SLC6A6: variants seen among roughly 807,000 people sequenced by gnomAD.
SLC6A6 encodes the protein solute carrier family 6 member 6.
In SLC6A6, 16 loss-of-function variants were observed where a neutral mutation model predicts 68.8. The ratio of observed to expected loss-of-function variants is 0.23; its 90% CI spans 0.16 to 0.35. The LOEUF (loss-of-function observed/expected upper bound fraction) is 0.35. Ranked by LOEUF, SLC6A6 falls within the 10% of genes least tolerant of loss-of-function variation. The pLI is 1.00. For missense variants in SLC6A6, 474 were observed against 802.8 expected (o/e 0.59, Z 4.95); for synonymous variants, 312 against 315.4 (o/e 0.99, Z 0.12).
At chr3:14,420,944 G>T (rs1699471591) in intron 2 of SLC6A6, among the ~76,000 whole-genome samples, 1 of 152,208 alleles carries the variant, frequency 6.6e-6, no homozygotes, top group Non-Finnish European at 1.5e-5. Context: ...CTTCTTTTGA[G>T]TGGGCGTCTT....
chr3:14,461,716 C>T (rs1415369072), intron 6 of SLC6A6, among the ~76,000 whole-genome samples: 1 of 152,234 alleles, frequency 6.6e-6, no homozygotes, highest in Non-Finnish European at 1.5e-5. Context: ...GAACAAGGCC[C>T]TTTCACTTTC....
In SLC6A6 at chr3:14,439,918, G is replaced by A. The variant is rs573508759; in HGVS notation, c.-11-3706G>A. ...AGGGTTTGGATACATCACGGTCACT[G>A]TTACTCCCAGCGGAGTGACCTCAGG... On this transcript the variant is annotated intron_variant, in intron 2 of 14. Transcript: ENST00000622186. Among the ~76,000 whole-genome samples, 12 of 152,316 alleles carry A rather than the reference G, an allele frequency of 7.9e-5. No individual in the cohort carries two copies. In the South Asian group the frequency reaches 2.5e-3, roughly 32 times the overall value.
At chr3:14,438,916 C>T (rs528753370) in intron 2 of SLC6A6, among the ~76,000 whole-genome samples, 3 of 152,310 alleles carry the variant, frequency 2.0e-5, no homozygotes, top group South Asian at 2.1e-4. Context: ...AGAGAACTCT[C>T]GAGCCTCTGG....
At chr3:14,484,689 G>A (rs1321219820) in intron 14 of SLC6A6, among the ~76,000 whole-genome samples, 178 bp from the exon 15 acceptor site, 1 of 152,244 alleles carries the variant, frequency 6.6e-6, no homozygotes, top group African/African-American at 2.4e-5. Context: ...CACCTTAGGA[G>A]CGCCTTAGTT....
Position 14,402,791 on chromosome 3 carries a change from G to A in SLC6A6, c.-110G>A, listed in dbSNP as rs1304474689. 7.5e-6 allele frequency: 3 copies of A among 397,912 alleles called. No homozygotes were observed. The allele number at this position is 397,912 out of a possible 1,614,324, so 24.6% of individuals were successfully genotyped here. ...GAGAGCGAGCGGGCAGGCAGCCCCC[G>A]GCCGGCGGAACCCGGCACAGCCGAG... On this transcript the variant is annotated 5_prime_UTR_variant, in exon 1 of 15. Coordinates refer to ENST00000622186, the MANE Select transcript of SLC6A6 (RefSeq NM_003043.6). This position sits in a 1 kb window ranked among gnomAD's most constrained non-coding sequence, Gnocchi z 4.8.
intron 6 of SLC6A6, among the ~76,000 whole-genome samples, chr3:14,465,049 G>A (rs1700584441): frequency 6.6e-6 from 1 of 152,166 alleles, no homozygotes; most frequent in Non-Finnish European, 1.5e-5. Context: ...CCGTCCTGGG[G>A]GGCATGGTGA....
intron 5 of SLC6A6, among the ~76,000 whole-genome samples, chr3:14,455,705 T>G (rs1179162141): frequency 6.6e-6 from 1 of 152,206 alleles, no homozygotes; most frequent in South Asian, 2.1e-4. Flanking sequence ...AAGGAAGTCT[T>G]GGGCCACTGC....
At chr3:14,478,917 A>G (rs112241655) in intron 12 of SLC6A6, 168 bp from the exon 13 acceptor site, 15 of 609,962 alleles carry the variant, frequency 2.5e-5, no homozygotes, top group African/African-American at 1.8e-4. Context: ...TACAAGATGC[A>G]GAGTTATATT....
intron 10 of SLC6A6, among the ~76,000 whole-genome samples, chr3:14,473,746 A>G (rs1700807492): frequency 6.6e-6 from 1 of 152,212 alleles, no homozygotes; most frequent in Non-Finnish European, 1.5e-5. Context: ...GACTCCATTA[A>G]TCATTCCTAG....
chr3:14,420,489 CTTTT>C (rs763732632), intron 2 of SLC6A6, among the ~76,000 whole-genome samples: 1 of 128,074 alleles, frequency 7.8e-6, no homozygotes. Flanking sequence ...AACCACTCTG[CTTTT>C]TTTTTTTTTT....
In SLC6A6 at chr3:14,402,816, G is replaced by A. The variant is rs1017834266; in HGVS notation, c.-85G>A. The A allele has an allele frequency of 2.8e-5, 11 of 397,532 alleles. No homozygotes were observed. The highest frequency in any genetic ancestry group is 4.4e-5 in the Admixed American group (1 of 22,666). The allele number at this position is 397,532 out of a possible 1,614,324, so 24.6% of individuals were successfully genotyped here. On this transcript the variant is annotated 5_prime_UTR_variant, in exon 1 of 15. Coordinates refer to ENST00000622186, the MANE Select transcript of SLC6A6 (RefSeq NM_003043.6). This position sits in a 1 kb window ranked among gnomAD's most constrained non-coding sequence, Gnocchi z 4.8. ...GGCCGGCGGAACCCGGCACAGCCGAGCAGAGCGCGGGCGGCGCCGCAGCCA... is the reference window on the plus strand; with the variant it reads ...GGCCGGCGGAACCCGGCACAGCCGAACAGAGCGCGGGCGGCGCCGCAGCCA...
At chr3:14,456,276 C>T (rs765633861) in intron 5 of SLC6A6, among the ~76,000 whole-genome samples, 8 of 152,236 alleles carry the variant, frequency 5.3e-5, no homozygotes, top group East Asian at 3.8e-4. Context: ...CCACTGATGT[C>T]GCTGTGACCA....
chr3:14,475,080 A>G, intron 10 of SLC6A6, among the ~76,000 whole-genome samples: 1 of 152,182 alleles, frequency 6.6e-6, no homozygotes, highest in East Asian at 1.9e-4. Context: ...CGCCCAGGTT[A>G]GAGTGCAGTG....
chr3:14,420,513 C>T (rs1699462734), intron 2 of SLC6A6, among the ~76,000 whole-genome samples: 1 of 121,028 alleles, frequency 8.3e-6, no homozygotes, highest in Non-Finnish European at 1.7e-5. Flanking sequence ...TTTTTTGAGA[C>T]AGAGTCTTGC....
At chr3:14,456,231 A>T (rs1446631787) in intron 5 of SLC6A6, among the ~76,000 whole-genome samples, 1 of 152,260 alleles carries the variant, frequency 6.6e-6, no homozygotes, top group Non-Finnish European at 1.5e-5. Flanking sequence ...GTCCATCAGC[A>T]TTATCATGTT....
intron 6 of SLC6A6, among the ~76,000 whole-genome samples, chr3:14,462,316 G>A (rs1700513575): frequency 6.6e-6 from 1 of 152,212 alleles, no homozygotes; most frequent in Non-Finnish European, 1.5e-5. Flanking sequence ...ATTTTGCCAA[G>A]GTTGAAGATG....
chr3:14,461,713 G>A (rs1574952559), intron 6 of SLC6A6, among the ~76,000 whole-genome samples: 1 of 152,204 alleles, frequency 6.6e-6, no homozygotes, highest in Admixed American at 6.5e-5. Context: ...TTTGAACAAG[G>A]CCCTTTCACT....
chr3:14,419,061 C>G (rs1699429505), intron 2 of SLC6A6, among the ~76,000 whole-genome samples: 1 of 152,202 alleles, frequency 6.6e-6, no homozygotes, highest in South Asian at 2.1e-4. Context: ...TGCAAGGGGC[C>G]CTGCCTGGGA....
chr3:14,481,934 T>G lies in SLC6A6; in HGVS notation c.1722+93T>G, dbSNP rs1701018316. ...GCTGCGTGATCTCAGGCAAGTCACCTGCCCTCTCTGAGCCATAGTTCCCTC... is the reference window on the plus strand; with the variant it reads ...GCTGCGTGATCTCAGGCAAGTCACCGGCCCTCTCTGAGCCATAGTTCCCTC... On this transcript the variant is annotated intron_variant, in intron 14 of 14. Coordinates refer to ENST00000622186, the MANE Select transcript of SLC6A6 (RefSeq NM_003043.6). This position sits in a 1 kb window ranked among gnomAD's most constrained non-coding sequence, Gnocchi z 4.7. 2.9e-6 allele frequency: 3 copies of G among 1,042,708 alleles called. No individual in the cohort carries two copies. The East Asian group carries it at 7.6e-5, about 26-fold the overall frequency. 64.6% of individuals were successfully genotyped at this position (1,042,708 alleles called of 1,614,324 possible).
Sources: allele counts gnomAD v4.1 joint callset (sites outside exome capture counted in the v4.1 genomes callset), GRCh38; gene constraint gnomAD v4.1.1; non-coding constraint Gnocchi (gnomAD v3.1); transcripts MANE v1.5; gene names NCBI Gene and HGNC (gene_info 2026-07-23, HGNC 2026-07-21).